SUCLA2: variants seen among roughly 807,000 people sequenced by gnomAD.
The protein encoded by SUCLA2 is succinate-CoA ligase ADP-forming subunit beta.
SUCLA2 carries 30 observed loss-of-function variants against 54.8 expected under a neutral mutation model. That is an observed-to-expected ratio of 0.55 (90% confidence interval 0.41 to 0.74). The LOEUF (loss-of-function observed/expected upper bound fraction) is 0.74. SUCLA2 is among the 30% of genes least tolerant of loss of function. The probability of loss-of-function intolerance (pLI) is 0.00; values close to 1 mark genes in which losing one functional copy is unlikely to be tolerated. For synonymous variants in SUCLA2, 172 were observed against 188.9 expected (o/e 0.91, Z 0.74); for missense variants, 476 against 562.9 (o/e 0.85, Z 1.56).
chr13:47,994,950 T>C, intron 2 of SUCLA2: 1 of 663,070 alleles, frequency 1.5e-6, no homozygotes, highest in Non-Finnish European at 1.9e-6. Flanking sequence ...GGCATCTGAA[T>C]TAATCCTATT....
chr13:47,984,818 A>G (rs981466815), intron 4 of SUCLA2, among the ~76,000 whole-genome samples: 3 of 152,200 alleles, frequency 2.0e-5, no homozygotes, highest in Non-Finnish European at 2.9e-5. Flanking sequence ...GTATTTAAAA[A>G]AAATCACACG....
intron 6 of SUCLA2, among the ~76,000 whole-genome samples, chr13:47,958,477 G>A (rs954653639): frequency 1.5e-4 from 23 of 152,140 alleles, no homozygotes; most frequent in African/African-American, 5.1e-4. Context: ...CAATTTTTAA[G>A]TTCATGTGAG....
intron 6 of SUCLA2, among the ~76,000 whole-genome samples, chr13:47,957,693 CCTAA>C (rs1415805736): frequency 1.2e-4 from 18 of 152,150 alleles, no homozygotes; most frequent in South Asian, 4.1e-4. Context: ...AGGGAAGCAC[CCTAA>C]CTGTTTCAGT....
intron 6 of SUCLA2, among the ~76,000 whole-genome samples, chr13:47,965,905 G>A (rs949804766): frequency 2.6e-5 from 4 of 152,104 alleles, no homozygotes; most frequent in East Asian, 1.9e-4. Flanking sequence ...ACAATTAGCC[G>A]TATGCGGTGG....
intron 4 of SUCLA2, among the ~76,000 whole-genome samples, chr13:47,975,009 A>G (rs1056741417): frequency 6.6e-6 from 1 of 152,182 alleles, no homozygotes; most frequent in Admixed American, 6.5e-5. Flanking sequence ...AGTGGGAAAT[A>G]AAACATTAAA....
At chr13:47,989,905 C>T (rs1273885157) in intron 2 of SUCLA2, among the ~76,000 whole-genome samples, 6 of 152,174 alleles carry the variant, frequency 3.9e-5, no homozygotes, top group African/African-American at 1.4e-4. Context: ...GCTTGCAAAG[C>T]TTATGCATAT....
chr13:47,956,113 A>G (rs540190349), intron 6 of SUCLA2, among the ~76,000 whole-genome samples: 2 of 152,332 alleles, frequency 1.3e-5, no homozygotes, highest in East Asian at 3.9e-4. Context: ...ACCCACAGTA[A>G]CCCAAATTTA....
chr13:47,953,105 A>C (rs1949789391), intron 8 of SUCLA2, among the ~76,000 whole-genome samples: 1 of 152,146 alleles, frequency 6.6e-6, no homozygotes, highest in African/African-American at 2.4e-5. Flanking sequence ...AGTGACCATC[A>C]CAAAATATAT....
Position 47,990,681 on chromosome 13 carries a change from T to C in SUCLA2, c.272-1700A>G, listed in dbSNP as rs752572732. Among the ~76,000 whole-genome samples the C allele has an allele frequency of 8.5e-5, 13 of 152,100 alleles. 1 individual carries two copies. The highest frequency in any genetic ancestry group is 1.5e-4 in the Non-Finnish European group (10 of 68,026). On this transcript the variant is annotated intron_variant, in intron 2 of 10. Transcript: ENST00000646932. ...TCTCTGGGATATAACAACTACTCCA[T>C]AAACATGGATTTGAACAGACTGAAG...
intron 6 of SUCLA2, among the ~76,000 whole-genome samples, chr13:47,965,263 C>T (rs1949907921): frequency 1.3e-5 from 2 of 151,408 alleles, no homozygotes; most frequent in South Asian, 4.2e-4. Context: ...TAATATTTTC[C>T]CACAAATTTC....
At chr13:47,955,349 G>A (rs1210842732) in intron 6 of SUCLA2, among the ~76,000 whole-genome samples, 4 of 152,032 alleles carry the variant, frequency 2.6e-5, no homozygotes, top group African/African-American at 4.8e-5. Flanking sequence ...ATACAGGCAT[G>A]CACCACAACA....
At chr13:47,944,979 G>A (rs550159431) in intron 10 of SUCLA2, among the ~76,000 whole-genome samples, 6 of 152,014 alleles carry the variant, frequency 3.9e-5, no homozygotes, top group Admixed American at 3.3e-4. Flanking sequence ...AAGGCTGGGC[G>A]CAGTGGCTCA....
intron 6 of SUCLA2, among the ~76,000 whole-genome samples, chr13:47,955,145 G>GA (rs879308822): frequency 2.2e-4 from 33 of 151,926 alleles, no homozygotes; most frequent in Non-Finnish European, 4.4e-4. Flanking sequence ...GGTTTCTGGG[G>GA]AAAAAAAAGA....
chr13:47,989,274 G>A (rs940087398), intron 2 of SUCLA2, among the ~76,000 whole-genome samples: 10 of 150,054 alleles, frequency 6.7e-5, no homozygotes, highest in African/African-American at 1.7e-4. Flanking sequence ...GCAGTGGCGC[G>A]ATCTCGGCTC....
At chr13:47,977,213 A>G (rs1218985636) in intron 4 of SUCLA2, among the ~76,000 whole-genome samples, 1 of 152,188 alleles carries the variant, frequency 6.6e-6, no homozygotes, top group African/African-American at 2.4e-5. Context: ...ATAACTTGCT[A>G]GAAACAATCT....
At chr13:47,975,236 C>G (rs1306246129) in intron 4 of SUCLA2, among the ~76,000 whole-genome samples, 2 of 151,604 alleles carry the variant, frequency 1.3e-5, no homozygotes, top group African/African-American at 4.9e-5. Context: ...TCTCAGCTCA[C>G]TGCAACCTCC....
At chr13:47,949,364 A>G in intron 9 of SUCLA2, 119 bp downstream of exon 9, 1 of 1,204,502 alleles carries the variant, frequency 8.3e-7, no homozygotes, top group Non-Finnish European at 1.2e-6. Context: ...TTAATTTCAT[A>G]TTGTATAATG....
intron 1 of SUCLA2, among the ~76,000 whole-genome samples, chr13:48,000,646 T>C (rs1468099348): frequency 6.6e-6 from 1 of 152,230 alleles, no homozygotes; most frequent in Non-Finnish European, 1.5e-5. Context: ...ATCTTATTAC[T>C]GCTATTAACA....
At position 47,972,748 on chromosome 13, in the gene SUCLA2, CTT is replaced by C. The variant is rs1204256460; in HGVS notation, c.663+514_663+515del. On this transcript the variant is annotated intron_variant, in intron 5 of 10. Transcript: ENST00000646932. ...TAGATAGGGTAATGGTATAGTGACTCTTTTTTTTTTTTTTTTTTGAGATGAGT... is the reference window on the plus strand; with the variant it reads ...TAGATAGGGTAATGGTATAGTGACTCTTTTTTTTTTTTTTTTGAGATGAGT... 1.2e-3 allele frequency among the ~76,000 whole-genome samples: 143 copies of C among 118,626 alleles called. 1 individual carries two copies. The highest frequency in any genetic ancestry group is 4.1e-3 in the African/African-American group (125 of 30,400). 77.8% of individuals were successfully genotyped at this position (118,626 alleles called of 152,430 possible).
Sources: gnomAD v4.1 joint callset for allele counts (sites outside exome capture counted in the v4.1 genomes callset) on GRCh38, gnomAD v4.1.1 for gene constraint, MANE v1.5 for transcripts, NCBI Gene and HGNC (gene_info 2026-07-23, HGNC 2026-07-21) for gene names.